The following MBNL2 variants were observed in gnomAD, a reference collection of about 807,000 sequenced individuals.
The protein encoded by MBNL2 is muscleblind like splicing regulator 2, also known as muscleblind-like protein 2.
MBNL2 carries 17 observed loss-of-function variants against 41.9 expected under a neutral mutation model. That is an observed-to-expected ratio of 0.41 (90% CI 0.28 to 0.61). MBNL2 has a LOEUF of 0.61. Among genes scored for constraint, MBNL2 ranks in the 20% least tolerant of loss-of-function variants. The probability of loss-of-function intolerance (pLI) is 0.35; values close to 1 mark genes in which losing one functional copy is unlikely to be tolerated. For missense variants in MBNL2, 336 were observed against 505.6 expected (o/e 0.66, Z 3.22); for synonymous variants, 195 against 182.9 (o/e 1.07, Z -0.53).
the MBNL2 span, among the ~76,000 whole-genome samples, chr13:97,206,281 C>G: frequency 6.6e-6 from 1 of 151,928 alleles, no homozygotes; most frequent in East Asian, 1.9e-4. Flanking sequence ...CCAGTTCTTT[C>G]AATCTTTGTT....
At chr13:97,373,477 A>T (rs1032754208) in intron 8 of MBNL2, among the ~76,000 whole-genome samples, 1 of 150,888 alleles carries the variant, frequency 6.6e-6, no homozygotes, top group South Asian at 2.1e-4. Context: ...AAAAAAAAAA[A>T]ACTATAAAAA....
intron 8 of MBNL2, among the ~76,000 whole-genome samples, chr13:97,381,890 C>T (rs1320090146): frequency 6.6e-6 from 1 of 151,760 alleles, no homozygotes; most frequent in East Asian, 1.9e-4. Flanking sequence ...ACATATATTA[C>T]ATATTATGTT....
chr13:97,146,806 G>A, the MBNL2 span, among the ~76,000 whole-genome samples: 1 of 152,138 alleles, frequency 6.6e-6, no homozygotes, highest in Non-Finnish European at 1.5e-5. Context: ...TGGATGAGGT[G>A]GGCAAAACCA....
intron 1 of MBNL2, among the ~76,000 whole-genome samples, chr13:97,225,166 G>A (rs564738256): frequency 3.3e-5 from 5 of 152,292 alleles, no homozygotes; most frequent in South Asian, 2.1e-4. Context: ...CCAGTCCCGC[G>A]CTCAGGGAGT....
the MBNL2 span, among the ~76,000 whole-genome samples, chr13:97,188,271 C>T: frequency 1.3e-5 from 2 of 152,170 alleles, no homozygotes; most frequent in African/African-American, 4.8e-5. Context: ...CATGTTCAAA[C>T]ACCTCACAGG....
At chr13:97,168,368 T>C in the MBNL2 span, among the ~76,000 whole-genome samples, 5 of 152,114 alleles carry the variant, frequency 3.3e-5, no homozygotes, top group African/African-American at 7.2e-5. Context: ...TCATTTCCCT[T>C]GCGGCTCTCC....
At chr13:97,249,322 T>TGAA (rs1233110979) in intron 1 of MBNL2, among the ~76,000 whole-genome samples, 6 of 152,250 alleles carry the variant, frequency 3.9e-5, no homozygotes, top group African/African-American at 1.4e-4. Flanking sequence ...TGTTCAGTTT[T>TGAA]GAAGATGGAA....
At chr13:97,361,961 C>G (rs2063446047) in intron 7 of MBNL2, among the ~76,000 whole-genome samples, 1 of 151,520 alleles carries the variant, frequency 6.6e-6, no homozygotes, top group African/African-American at 2.4e-5. Context: ...TTCGTAGAGA[C>G]AGGATTTTAC....
intron 8 of MBNL2, among the ~76,000 whole-genome samples, chr13:97,374,311 C>A (rs1161201846): frequency 6.6e-6 from 1 of 151,432 alleles, no homozygotes; most frequent in Non-Finnish European, 1.5e-5. Context: ...CTACGCCCAG[C>A]TAATTTTTTG....
intron 1 of MBNL2, among the ~76,000 whole-genome samples, chr13:97,242,111 A>G (rs1019241434): frequency 7.2e-5 from 11 of 152,140 alleles, no homozygotes; most frequent in Non-Finnish European, 1.3e-4. Flanking sequence ...GGCTAGCTGC[A>G]GTGAAATGGG....
At chr13:97,296,118 C>T (rs1055961224) in intron 2 of MBNL2, among the ~76,000 whole-genome samples, 1 of 152,160 alleles carries the variant, frequency 6.6e-6, no homozygotes, top group South Asian at 2.1e-4. Context: ...CAGATTCTAT[C>T]CACGCTAAAT....
intron 8 of MBNL2, among the ~76,000 whole-genome samples, chr13:97,383,315 C>A (rs78239063): frequency 6.6e-6 from 1 of 152,162 alleles, no homozygotes; most frequent in African/African-American, 2.4e-5. Context: ...ATGCAAAGAG[C>A]AGAATCTTAT....
At chr13:97,204,997 T>C in the MBNL2 span, among the ~76,000 whole-genome samples, 7 of 151,730 alleles carry the variant, frequency 4.6e-5, no homozygotes, top group African/African-American at 1.7e-4. Context: ...CATGGTGAAA[T>C]GCCATCTTTA....
chr13:97,357,024 C>A (rs940996294), intron 6 of MBNL2, among the ~76,000 whole-genome samples, 175 bp downstream of exon 6: 2 of 152,020 alleles, frequency 1.3e-5, no homozygotes, highest in African/African-American at 4.8e-5. Flanking sequence ...TAAATTAATC[C>A]TAACAAATTT....
At chr13:97,354,620 C>T (rs928858292) in intron 5 of MBNL2, among the ~76,000 whole-genome samples, 2 of 152,172 alleles carry the variant, frequency 1.3e-5, no homozygotes, top group African/African-American at 4.8e-5. Context: ...AGTTTCATCA[C>T]ACTAAGACAG....
At chr13:97,152,196 T>C in the MBNL2 span, among the ~76,000 whole-genome samples, 31 of 151,954 alleles carry the variant, frequency 2.0e-4, no homozygotes, top group Non-Finnish European at 3.5e-4. Flanking sequence ...AAAAAATACG[T>C]ACAAAAAAGG....
At chr13:97,320,113 G>T (rs769902954) in intron 2 of MBNL2, among the ~76,000 whole-genome samples, 1 of 152,164 alleles carries the variant, frequency 6.6e-6, no homozygotes, top group East Asian at 1.9e-4. Context: ...AGAGGTGGCT[G>T]TGCTCGCTTC....
rs2050347394 is a variant in MBNL2 at position 97,268,831 on chromosome 13, T to C, written c.-604-6801T>C. 6.6e-6 allele frequency among the ~76,000 whole-genome samples: 1 copy of C among 152,118 alleles called. No homozygotes were observed. The highest frequency in any genetic ancestry group is 1.5e-5 in the Non-Finnish European group (1 of 68,028). ...CACTGTGGGGAGGCAGATGGAGAAATCAGTATTTACAGTTCTTGTGAATTA... is the reference window on the plus strand; with the variant it reads ...CACTGTGGGGAGGCAGATGGAGAAACCAGTATTTACAGTTCTTGTGAATTA... On this transcript the variant is annotated intron_variant, in intron 1 of 8. Transcript: ENST00000679496. This position sits in a 1 kb window ranked among gnomAD's most constrained non-coding sequence, Gnocchi z 4.6.
chr13:97,147,321 A>G, the MBNL2 span, among the ~76,000 whole-genome samples: 5 of 152,238 alleles, frequency 3.3e-5, no homozygotes, highest in African/African-American at 9.6e-5. Flanking sequence ...AGGTAATTTG[A>G]GCTGTGTTTA....
Sources: allele counts gnomAD v4.1 joint callset (sites outside exome capture counted in the v4.1 genomes callset), GRCh38; gene constraint gnomAD v4.1.1; non-coding constraint Gnocchi (gnomAD v3.1); transcripts MANE v1.5; gene names NCBI Gene and HGNC (gene_info 2026-07-23, HGNC 2026-07-21).